TRAIP: variants seen among roughly 807,000 people sequenced by gnomAD.
TRAIP encodes the protein E3 ubiquitin-protein ligase TRAIP.
A neutral mutation model predicts 65.0 loss-of-function variants in TRAIP; 37 were observed. The ratio of observed to expected loss-of-function variants is 0.57; its 90% CI spans 0.44 to 0.75. TRAIP has a LOEUF of 0.75. TRAIP is among the 30% of genes least tolerant of loss of function. TRAIP has a pLI of 0.00. For synonymous variants in TRAIP, 187 were observed against 219.1 expected (o/e 0.85, Z 1.29); for missense variants, 481 against 579.4 (o/e 0.83, Z 1.74).
intron 10 of TRAIP, among the ~76,000 whole-genome samples, chr3:49,835,497 T>C (rs2081775049): frequency 6.6e-6 from 1 of 152,126 alleles, no homozygotes; most frequent in Admixed American, 6.6e-5. Context: ...GGGATGGTGG[T>C]GATGGTTGCA....
At position 49,828,704 on chromosome 3, in the gene TRAIP, A is replaced by G. The variant is rs1272778214; in HGVS notation, c.*399T>C. On this transcript the variant is annotated 3_prime_UTR_variant, in exon 15 of 15. Transcript: ENST00000331456. ...ACCCTGCTTGGCCCAGGCTATGCCT[A>G]GAAGCAAGTCAAAGGCAGGTAGAAG... 4.6e-6 allele frequency: 1 copy of G among 218,708 alleles called. No individual in the cohort carries two copies. Among genetic ancestry groups the G allele is most frequent in the Non-Finnish European group, 9.5e-6 (1 of 105,618 alleles). 13.5% of individuals were successfully genotyped at this position (218,708 alleles called of 1,614,324 possible). A position where few individuals can be genotyped will look rare whatever the true frequency, so the allele number is the denominator to read the frequency against.
Position 49,841,973 on chromosome 3 carries a change from T to C in TRAIP, c.504-34A>G, listed in dbSNP as rs757466737. On this transcript the variant is annotated intron_variant, in intron 6 of 14. Transcript: ENST00000331456. ...TACACCCAGCCCACGGCATTTGCAA[T>C]CTGGAGGCTGATGGGTAGGTACCCA... 3.8e-6 allele frequency: 6 copies of C among 1,565,276 alleles called. No homozygotes were observed. The East Asian group carries it at 6.7e-5, about 18-fold the overall frequency.
intron 2 of TRAIP, 33 bp from the exon 3 acceptor site, chr3:49,847,641 T>C: frequency 6.6e-7 from 1 of 1,507,556 alleles, no homozygotes; most frequent in Non-Finnish European, 9.1e-7. Context: ...AGTATGATTG[T>C]GTAGCTGGGT....
At chr3:49,845,070 T>C (rs1254960966) in intron 3 of TRAIP, among the ~76,000 whole-genome samples, 1 of 152,246 alleles carries the variant, frequency 6.6e-6, no homozygotes, top group Non-Finnish European at 1.5e-5. Flanking sequence ...ACTGGCTCTG[T>C]GTACCACAAA....
chr3:49,846,630 T>C (rs2081885125), intron 3 of TRAIP, among the ~76,000 whole-genome samples: 1 of 152,236 alleles, frequency 6.6e-6, no homozygotes, highest in Non-Finnish European at 1.5e-5. Context: ...CTGATGACTG[T>C]GTCTCATCAG....
chr3:49,843,638 A>T (rs2081857011), intron 5 of TRAIP, 163 bp downstream of exon 5: 1 of 911,042 alleles, frequency 1.1e-6, no homozygotes, highest in African/African-American at 1.7e-5. Flanking sequence ...GGATGGGTAC[A>T]GTATGGAAGG....
chr3:49,836,294 C>T (rs916790980), intron 10 of TRAIP, among the ~76,000 whole-genome samples: 2 of 151,966 alleles, frequency 1.3e-5, no homozygotes, highest in Non-Finnish European at 2.9e-5. Context: ...AATTAAAGAC[C>T]AGCCTGGCCA....
intron 1 of TRAIP, among the ~76,000 whole-genome samples, chr3:49,850,650 ATTTTTTTTT>A (rs869237477): frequency 1.1e-5 from 1 of 90,684 alleles, no homozygotes; most frequent in African/African-American, 5.0e-5. Flanking sequence ...AATAGTCTGC[ATTTTTTTTT>A]TTTTTTTTTT....
chr3:49,848,296 T>C, intron 1 of TRAIP, 96 bp from the exon 2 acceptor site: 1 of 1,371,138 alleles, frequency 7.3e-7, no homozygotes, highest in Non-Finnish European at 1.0e-6. Context: ...TCTGTTCTGC[T>C]CCTCCTTGAC....
At chr3:49,848,080 A>AC in intron 2 of TRAIP, 63 bp downstream of exon 2, 1 of 1,586,054 alleles carries the variant, frequency 6.3e-7, no homozygotes, top group African/African-American at 1.3e-5. Context: ...AGCTCTTTTC[A>AC]CATTCCTGCT....
At position 49,839,757 on chromosome 3, in the gene TRAIP, C is replaced by T. The variant is rs200745188; in HGVS notation, c.884+15G>A. ...CCCACCTTGTGACCCCTGTACCGCC[C>T]AAGGCTCAACAAACCTCTCTAAAAC... On this transcript the variant is annotated intron_variant, in intron 10 of 14. Coordinates refer to ENST00000331456, the MANE Select transcript of TRAIP (RefSeq NM_005879.3). 1 of 1,613,256 alleles carries T rather than the reference C, an allele frequency of 6.2e-7. No homozygotes were observed. Among genetic ancestry groups the T allele is most frequent in the Non-Finnish European group, 8.5e-7 (1 of 1,179,226 alleles).
chr3:49,848,359 C>T (rs1034411386), intron 1 of TRAIP, among the ~76,000 whole-genome samples, 159 bp from the exon 2 acceptor site: 2 of 152,188 alleles, frequency 1.3e-5, no homozygotes, highest in African/African-American at 2.4e-5. Context: ...CAGCACCTCC[C>T]GCAAGGCCTG....
intron 5 of TRAIP, among the ~76,000 whole-genome samples, 180 bp from the exon 6 acceptor site, chr3:49,842,727 C>T (rs2108316582): frequency 6.6e-6 from 1 of 152,300 alleles, no homozygotes; most frequent in East Asian, 1.9e-4. Flanking sequence ...TGTGCTTCTT[C>T]TTCTAAAAGG....
chr3:49,837,233 C>T (rs1220094958), intron 10 of TRAIP, among the ~76,000 whole-genome samples: 5 of 152,060 alleles, frequency 3.3e-5, no homozygotes, highest in Non-Finnish European at 7.4e-5. Flanking sequence ...AGGGCAATGC[C>T]GTTGCTGAGG....
Position 49,829,186 on chromosome 3 carries a change from T to C in TRAIP, c.1327A>G (p.Lys443Glu). The C allele has an allele frequency of 6.2e-7, 1 of 1,614,212 alleles. No individual in the cohort carries two copies. Among genetic ancestry groups the C allele is most frequent in the Non-Finnish European group, 8.5e-7 (1 of 1,180,040 alleles). The change falls in exon 15 of 15, where the codon AAG (lysine) becomes GAG (glutamate). Residue 443 changes from lysine (K) to glutamate (E), a missense_variant. Transcript: ENST00000331456. The stretch of plus-strand genomic sequence containing the variant: ...CTCACCCTCTGCTTAACCTTGGTCT[T>C]GGGCTTAACAGGCAATGGGCGGATC... The part of the protein sequence containing the change: ...VMIRPLPVKP[K>E]TKVKQRVRVK...
intron 2 of TRAIP, 134 bp downstream of exon 2, chr3:49,848,008 TG>T: frequency 1.1e-6 from 1 of 938,656 alleles, no homozygotes; most frequent in East Asian, 2.6e-5. Context: ...AGGGCACAAG[TG>T]AGGCTCAACT....
At chr3:49,832,403 T>C (rs1461743790) in intron 10 of TRAIP, among the ~76,000 whole-genome samples, 1 of 151,154 alleles carries the variant, frequency 6.6e-6, no homozygotes, top group Non-Finnish European at 1.5e-5. Context: ...GGCAGGAGAA[T>C]TGCTTGAACT....
At position 49,847,419 on chromosome 3, in the gene TRAIP, A is replaced by AAAGAGAAGAGAAGAG. The variant is rs146175744; in HGVS notation, c.240+91_240+105dup. 121 of 746,138 alleles carry AAAGAGAAGAGAAGAG rather than the reference A, an allele frequency of 1.6e-4. No individual in the cohort carries two copies. The African/African-American group carries it at 1.7e-3, about 11-fold the overall frequency. 46.2% of individuals were successfully genotyped at this position (746,138 alleles called of 1,614,324 possible). On this transcript the variant is annotated intron_variant, in intron 3 of 14. Coordinates refer to ENST00000331456, the MANE Select transcript of TRAIP (RefSeq NM_005879.3). ...AGAAAAGAAAAGAAAAGAAAAGAGA[A>AAAGAGAAGAGAAGAG]AAGAGAAGAGAAGAGAAGAGAAGAG...
intron 10 of TRAIP, among the ~76,000 whole-genome samples, chr3:49,835,276 G>A (rs1353181356): frequency 6.6e-6 from 1 of 152,158 alleles, no homozygotes; most frequent in African/African-American, 2.4e-5. Flanking sequence ...ATGCTACATG[G>A]ATAAACCTTG....
Sources: allele counts gnomAD v4.1 joint callset (sites outside exome capture counted in the v4.1 genomes callset), GRCh38; gene constraint gnomAD v4.1.1; transcripts MANE v1.5; gene names NCBI Gene and HGNC (gene_info 2026-07-23, HGNC 2026-07-21).